ITGAM: variants seen among roughly 807,000 people sequenced by gnomAD.
The protein encoded by ITGAM is integrin alpha-M.
A neutral mutation model predicts 137.5 loss-of-function variants in ITGAM; 79 were observed. That is an observed-to-expected ratio of 0.57 (90% CI 0.48 to 0.69). ITGAM has a LOEUF of 0.69. ITGAM is among the 30% of genes least tolerant of loss of function. The pLI, the probability that ITGAM is intolerant of heterozygous loss-of-function variation, is 0.00. For synonymous variants in ITGAM, 583 were observed against 592.3 expected (o/e 0.98, Z 0.23); for missense variants, 1,343 against 1,483.5 (o/e 0.91, Z 1.56).
intron 5 of ITGAM, among the ~76,000 whole-genome samples, chr16:31,270,137 G>GCTTTCCTTTGCTTTC: frequency 1.1e-5 from 1 of 88,452 alleles, no homozygotes; most frequent in South Asian, 4.5e-4. Context: ...TTCCTCCTTT[G>GCTTTCCTTTGCTTTC]CTTTCCTTTC....
intron 14 of ITGAM, among the ~76,000 whole-genome samples, chr16:31,302,428 C>CTTCTTTCTTTCTTTCTTTCT (rs201632413): frequency 9.7e-6 from 1 of 103,126 alleles, no homozygotes; most frequent in African/African-American, 5.5e-5. Context: ...TTCTTTCTTT[C>CTTCTTTCTTTCTTTCTTTCT]TTCTTTCTTT....
intron 12 of ITGAM, among the ~76,000 whole-genome samples, chr16:31,280,006 A>T (rs896954506): frequency 7.3e-6 from 1 of 137,744 alleles, no homozygotes; most frequent in Admixed American, 6.8e-5. Flanking sequence ...TCCTTTCCCC[A>T]TTTCTTGTTT....
rs1373511308 is a variant in ITGAM at position 31,324,740 on chromosome 16, G to A, written c.2247G>A (p.Arg749=). Residue 749 remains arginine, a synonymous_variant, in exon 18 of 30, where the codon CGG becomes CGA. Coordinates refer to ENST00000544665, the MANE Select transcript of ITGAM (RefSeq NM_000632.4). This position sits in a 1 kb window ranked among gnomAD's most constrained non-coding sequence, Gnocchi z 4.5. ...CATTGTCTGCTTTCGGGAACCTCCG[G>A]CCAGTGCTGGCGGAGGATGCTCAGA... ...GTPLSAFGNL[R]PVLAEDAQRL... 6.3e-7 allele frequency: 1 copy of A among 1,589,758 alleles called. No homozygotes were observed. The highest frequency in any genetic ancestry group is 8.6e-7 in the Non-Finnish European group (1 of 1,169,100).
chr16:31,280,500 T>C (rs545444226), intron 12 of ITGAM, among the ~76,000 whole-genome samples: 4 of 152,330 alleles, frequency 2.6e-5, no homozygotes, highest in Non-Finnish European at 5.9e-5. Flanking sequence ...TTTGAAGCAA[T>C]TGTGAATGGG....
chr16:31,296,146 C>T (rs2080130971), intron 12 of ITGAM, among the ~76,000 whole-genome samples: 1 of 149,878 alleles, frequency 6.7e-6, no homozygotes, highest in Non-Finnish European at 1.5e-5. Flanking sequence ...TCTGTGTTGC[C>T]CAGGCTGGAG....
intron 12 of ITGAM, among the ~76,000 whole-genome samples, chr16:31,291,323 T>C (rs2080084982): frequency 6.6e-6 from 1 of 152,196 alleles, no homozygotes; most frequent in Non-Finnish European, 1.5e-5. Context: ...CTCTTCAGTA[T>C]ACTGATTTCC....
At chr16:31,265,578 G>A in intron 3 of ITGAM, 80 bp downstream of exon 3, 1 of 984,138 alleles carries the variant, frequency 1.0e-6, no homozygotes, top group Non-Finnish European at 1.5e-6. Flanking sequence ...CTGTGTCCTG[G>A]GGATCTGTGG....
rs912850816 is a variant in ITGAM at position 31,331,745 on chromosome 16, C to A, written c.*38C>A. On this transcript the variant is annotated 3_prime_UTR_variant, in exon 30 of 30. Transcript: ENST00000544665. Reference sequence around the variant, plus strand: ...GACAGAGCTGCCTCTCGGTGGCCAGCAGGACTCTGCCCAGACCACACGTAG... The same window carrying A: ...GACAGAGCTGCCTCTCGGTGGCCAGAAGGACTCTGCCCAGACCACACGTAG... The A allele has an allele frequency of 1.0e-5, 15 of 1,501,630 alleles. No homozygotes were observed. The African/African-American group carries it at 1.8e-4, about 18-fold the overall frequency. 93.0% of individuals were successfully genotyped at this position (1,501,630 alleles called of 1,614,324 possible).
At chr16:31,272,423 C>CCATATA (rs1491104518) in intron 7 of ITGAM, among the ~76,000 whole-genome samples, 6 of 31,534 alleles carry the variant, frequency 1.9e-4, no homozygotes, top group Non-Finnish European at 1.3e-4. Context: ...GGCCAATTAA[C>CCATATA]TATATATATA....
At chr16:31,309,899 T>C (rs895811548) in intron 14 of ITGAM, among the ~76,000 whole-genome samples, 17 of 152,086 alleles carry the variant, frequency 1.1e-4, no homozygotes, top group East Asian at 1.9e-4. Context: ...TTTTATTTCT[T>C]CTTCACTTAT....
intron 14 of ITGAM, among the ~76,000 whole-genome samples, chr16:31,313,362 C>T (rs1032280358): frequency 3.3e-5 from 5 of 152,138 alleles, no homozygotes; most frequent in Non-Finnish European, 5.9e-5. Context: ...GGTATTTGTC[C>T]TAATGCTCTC....
intron 16 of ITGAM, among the ~76,000 whole-genome samples, chr16:31,323,200 G>A (rs1190914453): frequency 6.6e-6 from 1 of 152,148 alleles, no homozygotes; most frequent in Non-Finnish European, 1.5e-5. Flanking sequence ...GGGAGGCCGA[G>A]GCAGGTGGAT....
intron 12 of ITGAM, among the ~76,000 whole-genome samples, chr16:31,289,707 TAACA>T (rs1264716146): frequency 6.6e-6 from 1 of 152,192 alleles, no homozygotes; most frequent in Non-Finnish European, 1.5e-5. Context: ...TATACATATG[TAACA>T]AACCTGCACG....
chr16:31,309,518 C>T (rs2080300429), intron 14 of ITGAM, among the ~76,000 whole-genome samples: 1 of 150,640 alleles, frequency 6.6e-6, no homozygotes, highest in African/African-American at 2.5e-5. Flanking sequence ...GATCTTCCTC[C>T]ATCCCTTTAT....
Position 31,331,659 on chromosome 16 carries a change from C to A in ITGAM, c.3411C>A (p.Tyr1137Ter). 6.2e-7 allele frequency: 1 copy of A among 1,604,952 alleles called. No individual in the cohort carries two copies. Among genetic ancestry groups the A allele is most frequent in the Non-Finnish European group, 8.5e-7 (1 of 1,175,212 alleles). Residue 1137 changes from tyrosine to a stop codon, truncating the protein, a stop_gained, in exon 30 of 30, where the codon TAC becomes TAA. Transcript: ENST00000544665. LOFTEE classifies it high-confidence loss of function. Reference sequence around the variant, plus strand: ...AGCTCGGCTTCTTCAAGCGGCAATACAAGGACATGATGAGTGAAGGGGGTC... The same window carrying A: ...AGCTCGGCTTCTTCAAGCGGCAATAAAAGGACATGATGAGTGAAGGGGGTC... Reference protein sequence around the residue: ...LYKLGFFKRQYKDMMSEGGPP... With the variant: ...LYKLGFFKRQ
chr16:31,321,287 A>G lies in ITGAM; in HGVS notation c.1754A>G (p.Gln585Arg), dbSNP rs1236257239. ...TCTCCCAGGCTCCAGTATTTTGGTC[A>G]GTCACTGAGTGGGGGCCAGGACCTC... Reference protein sequence around the residue: ...KLSPRLQYFGQSLSGGQDLTM... With the variant: ...KLSPRLQYFGRSLSGGQDLTM... Residue 585 changes from glutamine to arginine, a missense_variant, in exon 15 of 30, where the codon CAG (glutamine) becomes CGG (arginine). Physicochemically the swap from Gln to Arg is conservative, Grantham distance 43. Coordinates refer to ENST00000544665, the MANE Select transcript of ITGAM (RefSeq NM_000632.4). The G allele has an allele frequency of 6.2e-7, 1 of 1,613,992 alleles. No homozygotes were observed. Among genetic ancestry groups the G allele is most frequent in the Non-Finnish European group, 8.5e-7 (1 of 1,179,880 alleles).
chr16:31,280,318 T>G lies in ITGAM; in HGVS notation c.1356+2209T>G, dbSNP rs556176299. Among the ~76,000 whole-genome samples the G allele has an allele frequency of 2.6e-5, 4 of 152,284 alleles. No homozygotes were observed. The South Asian group carries it at 8.3e-4, about 32-fold the overall frequency. On this transcript the variant is annotated intron_variant, in intron 12 of 29. Coordinates refer to ENST00000544665, the MANE Select transcript of ITGAM (RefSeq NM_000632.4). ...TGGGGAAGGCATTGAATCTATGAAT[T>G]ATGTTGGGCAGTATGGCCATTTTCA... is the stretch of plus-strand genomic sequence containing the variant.
intron 12 of ITGAM, among the ~76,000 whole-genome samples, chr16:31,286,200 G>A (rs552442927): frequency 1.9e-4 from 29 of 151,860 alleles, no homozygotes; most frequent in Non-Finnish European, 2.5e-4. Context: ...TTATGGTGGC[G>A]TAGTATTTGA....
intron 16 of ITGAM, among the ~76,000 whole-genome samples, chr16:31,323,173 T>C (rs1164706728): frequency 6.6e-6 from 1 of 152,096 alleles, no homozygotes; most frequent in Non-Finnish European, 1.5e-5. Context: ...GGCTCACGCC[T>C]GTAATCCCAG....
Sources: allele counts gnomAD v4.1 joint callset (sites outside exome capture counted in the v4.1 genomes callset), GRCh38; gene constraint gnomAD v4.1.1; non-coding constraint Gnocchi (gnomAD v3.1); transcripts MANE v1.5; gene names NCBI Gene and HGNC (gene_info 2026-07-23, HGNC 2026-07-21).